Variants in ELF1 observed in about 807,000 individuals in gnomAD.
ELF1 encodes the protein E74 like ETS transcription factor 1, also known as ETS-related transcription factor Elf-1.
In ELF1, 24 loss-of-function variants were observed where a neutral mutation model predicts 59.9. The ratio of observed to expected loss-of-function variants is 0.40; its 90% CI spans 0.29 to 0.56. The LOEUF (loss-of-function observed/expected upper bound fraction) is 0.56. ELF1 is among the 20% of genes least tolerant of loss of function. The pLI is 0.44. For missense variants in ELF1, 627 were observed against 742.2 expected (o/e 0.84, Z 1.80); for synonymous variants, 248 against 266.2 (o/e 0.93, Z 0.67).
At position 40,936,916 on chromosome 13, in the gene ELF1, T is replaced by C. The variant is rs138960724; in HGVS notation, c.1257-2888A>G. Among the ~76,000 whole-genome samples the C allele has an allele frequency of 9.5e-4, 145 of 152,228 alleles. 1 individual carries two copies. The East Asian group carries it at 0.028, about 29-fold the overall frequency. ...AGCAGTGTGAGTGAGATCGTGCCAC[T>C]GCACTCCAGCCTGGGCTACAGAGGG... On this transcript the variant is annotated intron_variant, in intron 8 of 8. Coordinates refer to ENST00000239882, the MANE Select transcript of ELF1 (RefSeq NM_172373.4).
chr13:41,019,412 T>C, upstream of ELF1: 1 of 985,364 alleles, frequency 1.0e-6, no homozygotes, highest in Non-Finnish European at 1.2e-6. Context: ...CCAATTATTC[T>C]GCTAGGTCAA....
At chr13:40,958,510 A>C (rs1871599586) in intron 3 of ELF1, among the ~76,000 whole-genome samples, 1 of 151,952 alleles carries the variant, frequency 6.6e-6, no homozygotes, top group African/African-American at 2.4e-5. Flanking sequence ...GCTGGGCAAT[A>C]CAGTAAGACT....
At position 41,001,732 on chromosome 13, in the gene ELF1, G is replaced by T. The variant is rs113112580; in HGVS notation, c.-229+17496C>A. 5.8e-3 allele frequency among the ~76,000 whole-genome samples: 884 copies of T among 152,216 alleles called. 8 individuals carry two copies. Among genetic ancestry groups the T allele is most frequent in the African/African-American group, 0.02 (850 of 41,526 alleles). ...CTGCTTTAAAAATGTAAAGCCAGAT[G>T]CAGTGGCACGCTCCCATAGCAGGGG... is the stretch of plus-strand genomic sequence containing the variant. On this transcript the variant is annotated intron_variant, in intron 1 of 8. Transcript: ENST00000239882.
chr13:41,022,200 G>GTA (rs1875715954), upstream of ELF1, among the ~76,000 whole-genome samples: 1 of 152,194 alleles, frequency 6.6e-6, no homozygotes. Context: ...GAATGGTATA[G>GTA]TATATCCATA....
In ELF1 at chr13:40,982,901, A is replaced by G. The variant is rs1167631350; in HGVS notation, c.-228-619T>C. ...CAGTGGCTTCTTTTTTAATGCACTGAAATGTATCCTTATCTCTAGTATAGG... is the reference window on the plus strand; with the variant it reads ...CAGTGGCTTCTTTTTTAATGCACTGGAATGTATCCTTATCTCTAGTATAGG... On this transcript the variant is annotated intron_variant, in intron 1 of 8. Transcript: ENST00000239882. 1.1e-5 allele frequency: 11 copies of G among 984,764 alleles called. No individual in the cohort carries two copies. In the South Asian group the frequency reaches 3.8e-4, roughly 34 times the overall value. 61.0% of individuals were successfully genotyped at this position (984,764 alleles called of 1,614,324 possible).
In ELF1 at chr13:41,016,914, C is replaced by CAAAA. The variant is rs1164306892; in HGVS notation, c.-229+2310_-229+2313dup. Among the ~76,000 whole-genome samples the CAAAA allele has an allele frequency of 3.9e-4, 5 of 12,906 alleles. 1 individual carries two copies. The highest frequency in any genetic ancestry group is 7.1e-4 in the Non-Finnish European group (5 of 7,058). The allele number at this position is 12,906 out of a possible 152,430, so 8.5% of individuals were successfully genotyped here. On this transcript the variant is annotated intron_variant, in intron 1 of 8. Transcript: ENST00000239882. ...GGGCAACAAGAGTGAAACTCCGTCT[C>CAAAA]AAAAAAAAAAAAAAAAAAAAAAAAA...
intron 1 of ELF1, among the ~76,000 whole-genome samples, chr13:41,030,865 G>C (rs766905212): frequency 8.6e-5 from 13 of 151,934 alleles, no homozygotes; most frequent in Non-Finnish European, 1.9e-4. Flanking sequence ...GACTGTTTAA[G>C]AAAAGTTGTA....
exon 1 of ELF1, chr13:41,060,840 G>C (rs1270299611): frequency 3.5e-6 from 1 of 282,978 alleles, no homozygotes; most frequent in Non-Finnish European, 7.0e-6. Context: ...TGACCCACCT[G>C]ACAAGCATAA....
At chr13:41,008,534 A>G (rs1389674191) in intron 1 of ELF1, among the ~76,000 whole-genome samples, 6 of 152,100 alleles carry the variant, frequency 3.9e-5, no homozygotes, top group African/African-American at 1.2e-4. Context: ...CAATACCCAA[A>G]TGACTCACGC....
chr13:40,957,508 TAA>T (rs963016081), intron 3 of ELF1, among the ~76,000 whole-genome samples: 42 of 136,692 alleles, frequency 3.1e-4, no homozygotes, highest in Admixed American at 3.7e-4. Flanking sequence ...TTTGTGCATT[TAA>T]AAAAAAAAAA....
intron 1 of ELF1, among the ~76,000 whole-genome samples, chr13:41,017,387 C>T (rs1472439474): frequency 1.3e-5 from 2 of 152,154 alleles, no homozygotes; most frequent in Admixed American, 1.3e-4. Flanking sequence ...CTGTGGGCCA[C>T]TGTTTCTTCA....
At chr13:41,043,644 T>C (rs1475497106) in intron 1 of ELF1, among the ~76,000 whole-genome samples, 1 of 152,228 alleles carries the variant, frequency 6.6e-6, no homozygotes, top group Non-Finnish European at 1.5e-5. Flanking sequence ...GAGGGCTCTG[T>C]TCTGTTCCAT....
intron 1 of ELF1, among the ~76,000 whole-genome samples, chr13:41,011,378 T>C (rs1054356439): frequency 6.6e-6 from 1 of 152,202 alleles, no homozygotes; most frequent in African/African-American, 2.4e-5. Context: ...TCTTAGTTAT[T>C]TGGGACAGAC....
In ELF1 at chr13:41,000,171, G is replaced by A. The variant is rs550770128; in HGVS notation, c.-228-17889C>T. On this transcript the variant is annotated intron_variant, in intron 1 of 8. Coordinates refer to ENST00000239882, the MANE Select transcript of ELF1 (RefSeq NM_172373.4). Reference sequence around the variant, plus strand: ...TCACAAAATCTTCATTTTCTTACAAGGTGACATTCAGAAGATGCTTTTGTA... The same window carrying A: ...TCACAAAATCTTCATTTTCTTACAAAGTGACATTCAGAAGATGCTTTTGTA... Among the ~76,000 whole-genome samples the A allele has an allele frequency of 5.4e-5, 8 of 149,422 alleles. No individual in the cohort carries two copies. In the South Asian group the frequency reaches 1.5e-3, roughly 28 times the overall value.
At chr13:41,009,657 C>T (rs975086720) in intron 1 of ELF1, among the ~76,000 whole-genome samples, 1 of 152,014 alleles carries the variant, frequency 6.6e-6, no homozygotes, top group Admixed American at 6.6e-5. Context: ...TAATATACTT[C>T]CCAATTTTAA....
At chr13:41,049,383 C>A (rs931742419) in intron 1 of ELF1, among the ~76,000 whole-genome samples, 1 of 152,170 alleles carries the variant, frequency 6.6e-6, no homozygotes, top group African/African-American at 2.4e-5. Context: ...AGTTAAAGAC[C>A]AAGTGTACAA....
intron 2 of ELF1, among the ~76,000 whole-genome samples, chr13:40,963,805 G>A (rs1243676480): frequency 6.6e-6 from 1 of 152,010 alleles, no homozygotes; most frequent in Admixed American, 6.6e-5. Flanking sequence ...TACTCAGGAG[G>A]ATGAGGCAGG....
intron 1 of ELF1, among the ~76,000 whole-genome samples, chr13:41,055,478 A>T (rs1877250624): frequency 6.6e-6 from 1 of 150,972 alleles, no homozygotes; most frequent in Non-Finnish European, 1.5e-5. Flanking sequence ...CATTCCCCTC[A>T]CACAAACTCA....
In ELF1 at chr13:40,958,710, G is replaced by A. The variant is rs1488901418; in HGVS notation, c.253+126C>T. ...GTAATTTTCTTCTCCATGTAGGGCT[G>A]TAGTTTCTGAAGGTAATACAGTTTA... On this transcript the variant is annotated intron_variant, in intron 3 of 8. Coordinates refer to ENST00000239882, the MANE Select transcript of ELF1 (RefSeq NM_172373.4). The A allele has an allele frequency of 3.1e-6, 4 of 1,291,112 alleles. No homozygotes were observed. The African/African-American group carries it at 4.4e-5, about 14-fold the overall frequency. The allele number at this position is 1,291,112 out of a possible 1,614,324, so 80.0% of individuals were successfully genotyped here. A position where few individuals can be genotyped will look rare whatever the true frequency, so the allele number is the denominator to read the frequency against.
Sources: gnomAD v4.1 joint callset for allele counts (sites outside exome capture counted in the v4.1 genomes callset) on GRCh38, gnomAD v4.1.1 for gene constraint, MANE v1.5 for transcripts, NCBI Gene and HGNC (gene_info 2026-07-23, HGNC 2026-07-21) for gene names.